Variants in NKAIN3 observed in about 807,000 individuals in gnomAD.
The protein encoded by NKAIN3 is sodium/potassium-transporting ATPase subunit beta-1-interacting protein 3.
NKAIN3 carries 25 observed loss-of-function variants against 30.2 expected under a neutral mutation model. The ratio of observed to expected loss-of-function variants is 0.83; its 90% CI spans 0.60 to 1.16. The LOEUF (loss-of-function observed/expected upper bound fraction) is 1.16. NKAIN3 is among the 50% of genes most tolerant of loss of function. The pLI, the probability that NKAIN3 is intolerant of heterozygous loss-of-function variation, is 0.00. For synonymous variants in NKAIN3, 91 were observed against 89.6 expected (o/e 1.02, Z -0.09); for missense variants, 225 against 254.1 (o/e 0.89, Z 0.78).
At chr8:62,853,107 C>T (rs1819959762) in intron 4 of NKAIN3, among the ~76,000 whole-genome samples, 1 of 152,146 alleles carries the variant, frequency 6.6e-6, no homozygotes, top group African/African-American at 2.4e-5. Context: ...TTCTAGGTCT[C>T]TAAGGACTTG....
At chr8:62,740,614 A>G (rs1447431766) in intron 3 of NKAIN3, among the ~76,000 whole-genome samples, 6 of 145,302 alleles carry the variant, frequency 4.1e-5, no homozygotes, top group African/African-American at 1.3e-4. Flanking sequence ...GAGAAATTGT[A>G]TAGTGGTATA....
At chr8:62,396,600 T>C (rs563731468) in intron 1 of NKAIN3, among the ~76,000 whole-genome samples, 3 of 152,342 alleles carry the variant, frequency 2.0e-5, no homozygotes, top group African/African-American at 7.2e-5. Context: ...TCTTAATTTA[T>C]AGTAGAATAA....
At chr8:62,645,951 G>A (rs576234331) in intron 3 of NKAIN3, among the ~76,000 whole-genome samples, 26 of 152,022 alleles carry the variant, frequency 1.7e-4, no homozygotes, top group African/African-American at 2.7e-4. Flanking sequence ...TCTACTTTCC[G>A]AAAATAATAC....
chr8:62,771,251 G>A (rs1370688534), intron 4 of NKAIN3, among the ~76,000 whole-genome samples: 1 of 151,916 alleles, frequency 6.6e-6, no homozygotes, highest in Non-Finnish European at 1.5e-5. Flanking sequence ...AAGATAGCAA[G>A]ATCCCATCTC....
In NKAIN3 at chr8:62,248,955, G is replaced by T; in HGVS notation, c.-119G>T. The T allele has an allele frequency of 3.3e-6, 3 of 902,706 alleles. No individual in the cohort carries two copies. The highest frequency in any genetic ancestry group is 1.8e-5 in the South Asian group (1 of 55,836). 55.9% of individuals were successfully genotyped at this position (902,706 alleles called of 1,614,324 possible). On this transcript the variant is annotated 5_prime_UTR_variant, in exon 1 of 7. Transcript: ENST00000623646. The stretch of plus-strand genomic sequence containing the variant: ...CCCGAGCCCTGGAGCCGCGAGCGGC[G>T]GCCGCGGGGCCGAGGAGCCTGGGCC...
intron 1 of NKAIN3, among the ~76,000 whole-genome samples, chr8:62,561,382 T>A (rs1000579868): frequency 3.3e-5 from 5 of 152,180 alleles, no homozygotes; most frequent in African/African-American, 1.2e-4. Context: ...CAGGTGGAAG[T>A]CTTCTCTGTA....
chr8:62,610,130 G>C (rs188124945), intron 3 of NKAIN3, among the ~76,000 whole-genome samples: 293 of 152,106 alleles, frequency 1.9e-3, no homozygotes, highest in African/African-American at 6.9e-3. Context: ...TGGATCACCT[G>C]AGGTCAGGAG....
chr8:62,861,507 A>G (rs1820237936), intron 4 of NKAIN3, among the ~76,000 whole-genome samples: 1 of 152,210 alleles, frequency 6.6e-6, no homozygotes, highest in Admixed American at 6.5e-5. Context: ...TGGTGCTTTT[A>G]TCATCACTTC....
chr8:62,938,709 C>CA (rs1822860538), intron 5 of NKAIN3, among the ~76,000 whole-genome samples: 1 of 152,134 alleles, frequency 6.6e-6, no homozygotes, highest in Admixed American at 6.6e-5. Flanking sequence ...GGGAGAGCAC[C>CA]ACATCAAGGC....
chr8:62,789,668 A>G (rs1449240997), intron 4 of NKAIN3, among the ~76,000 whole-genome samples: 2 of 152,150 alleles, frequency 1.3e-5, no homozygotes, highest in Admixed American at 6.6e-5. Context: ...CTACCATCAG[A>G]GAATACTACA....
chr8:62,578,892 G>A (rs1851714369), intron 1 of NKAIN3, among the ~76,000 whole-genome samples: 1 of 151,998 alleles, frequency 6.6e-6, no homozygotes, highest in South Asian at 2.1e-4. Context: ...CAGAGGCTGG[G>A]AAGGGGAGCG....
chr8:62,714,502 T>C (rs921290194), intron 3 of NKAIN3, among the ~76,000 whole-genome samples: 2 of 152,142 alleles, frequency 1.3e-5, no homozygotes, highest in African/African-American at 4.8e-5. Flanking sequence ...CTAAACACTT[T>C]ATATGGGTTG....
At chr8:62,487,322 A>G (rs1380964099) in intron 1 of NKAIN3, among the ~76,000 whole-genome samples, 1 of 152,192 alleles carries the variant, frequency 6.6e-6, no homozygotes, top group Non-Finnish European at 1.5e-5. Context: ...AATCAGCAGA[A>G]GCTCAGAATT....
At chr8:62,417,309 T>C (rs1325170464) in intron 1 of NKAIN3, among the ~76,000 whole-genome samples, 3 of 152,130 alleles carry the variant, frequency 2.0e-5, no homozygotes, top group Non-Finnish European at 4.4e-5. Context: ...GATTTCATTC[T>C]TTTTTTAGGG....
At chr8:62,372,831 T>G (rs763573550) in intron 1 of NKAIN3, among the ~76,000 whole-genome samples, 4 of 152,078 alleles carry the variant, frequency 2.6e-5, no homozygotes, top group Non-Finnish European at 4.4e-5. Context: ...ATCTTTTACC[T>G]TTTGATTTTA....
chr8:62,281,731 A>G (rs1039830448), intron 1 of NKAIN3, among the ~76,000 whole-genome samples: 12 of 152,010 alleles, frequency 7.9e-5, no homozygotes, highest in African/African-American at 2.9e-4. Flanking sequence ...GTGGTTGTTT[A>G]GATATATTAA....
intron 3 of NKAIN3, among the ~76,000 whole-genome samples, chr8:62,682,436 G>T (rs77942250): frequency 0.1 from 15,413 of 152,144 alleles, 954 homozygotes; most frequent in East Asian, 0.25. Flanking sequence ...GCCTCCAGCT[G>T]AACTCTGTAA....
chr8:62,997,819 C>A (rs114212733), intron 5 of NKAIN3, among the ~76,000 whole-genome samples: 1 of 150,864 alleles, frequency 6.6e-6, no homozygotes, highest in Non-Finnish European at 1.5e-5. Flanking sequence ...GAAATCTGAG[C>A]GTATTTTTGA....
chr8:62,843,284 C>A (rs1286541514), intron 4 of NKAIN3, among the ~76,000 whole-genome samples: 1 of 151,498 alleles, frequency 6.6e-6, no homozygotes, highest in Non-Finnish European at 1.5e-5. Flanking sequence ...CAGTTCCCTG[C>A]TAACGTCTTT....
Sources: gnomAD v4.1 joint callset for allele counts (sites outside exome capture counted in the v4.1 genomes callset) on GRCh38, gnomAD v4.1.1 for gene constraint, MANE v1.5 for transcripts, NCBI Gene and HGNC (gene_info 2026-07-23, HGNC 2026-07-21) for gene names.